The following RHOG variants were observed in gnomAD, a reference collection of about 807,000 sequenced individuals.
RHOG encodes the protein ras homolog family member G.
A neutral mutation model predicts 12.3 loss-of-function variants in RHOG; 1 was observed. The ratio of observed to expected loss-of-function variants is 0.08; its 90% confidence interval spans 0.03 to 0.39. The LOEUF is 0.39. Ranked by LOEUF, RHOG falls within the 10% of genes least tolerant of loss-of-function variation. The pLI, the probability that RHOG is intolerant of heterozygous loss-of-function variation, is 0.99. For synonymous variants in RHOG, 129 were observed against 116.0 expected, an observed-to-expected ratio of 1.11 and a Z score of -0.72; for missense variants, 114 against 266.2, an observed-to-expected ratio of 0.43 and a Z score of 3.98.
At chr11:3,831,499 G>C (rs1049548452) in intron 1 of RHOG, among the ~76,000 whole-genome samples, 4 of 152,196 alleles carry the variant, frequency 2.6e-5, no homozygotes, top group Non-Finnish European at 2.9e-5. Flanking sequence ...GGTCAGGGAA[G>C]GGCATAAGGA....
chr11:3,831,413 A>AGTGT (rs57646737), intron 1 of RHOG, among the ~76,000 whole-genome samples: 7,546 of 151,572 alleles, frequency 0.05, 537 homozygotes, highest in African/African-American at 0.16. Context: ...AATGAGAGAG[A>AGTGT]GTGTGTGTGT....
chr11:3,836,449 TGCA>T (rs2090156991), intron 1 of RHOG, among the ~76,000 whole-genome samples: 1 of 151,824 alleles, frequency 6.6e-6, no homozygotes, highest in South Asian at 2.1e-4. Flanking sequence ...GATCCTACAT[TGCA>T]GCAGCAGGTA....
intron 1 of RHOG, among the ~76,000 whole-genome samples, chr11:3,828,903 A>C (rs1015575562): frequency 6.6e-6 from 1 of 151,496 alleles, no homozygotes; most frequent in South Asian, 2.1e-4. Flanking sequence ...TACAGGCGTG[A>C]GCCACTGCGC....
intron 1 of RHOG, among the ~76,000 whole-genome samples, chr11:3,840,039 G>A (rs1316277864): frequency 1.3e-5 from 2 of 152,158 alleles, no homozygotes; most frequent in East Asian, 1.9e-4. Context: ...GGAGGGAGAC[G>A]ACAGGAGCAT....
chr11:3,828,117 C>T lies in RHOG; in HGVS notation c.22G>A (p.Val8Met), dbSNP rs1178508794. The T allele has an allele frequency of 6.2e-7, 1 of 1,613,592 alleles. No homozygotes were observed. The highest frequency in any genetic ancestry group is 1.3e-5 in the African/African-American group (1 of 74,946). Residue 8 changes from valine (V) to methionine (M), a missense_variant, in exon 2 of 2, where the codon GTG becomes ATG. By Grantham distance (21) the Val-to-Met change is conservative. This residue lies in a region of RHOG where 53 missense variants were observed against 164.8 expected (regional missense o/e 0.32). Coordinates refer to ENST00000351018, the MANE Select transcript of RHOG (RefSeq NM_001665.4). Reference protein sequence around the residue: MQSIKCVVVGDGAVGKTC... With the variant: MQSIKCVMVGDGAVGKTC... ...TTGCCCACAGCCCCATCACCCACCACCACGCACTTGATGCTCTGCATCGTG... is the reference window on the plus strand; with the variant it reads ...TTGCCCACAGCCCCATCACCCACCATCACGCACTTGATGCTCTGCATCGTG...
At chr11:3,828,675 G>C (rs1031901609) in intron 1 of RHOG, among the ~76,000 whole-genome samples, 4 of 145,078 alleles carry the variant, frequency 2.8e-5, no homozygotes, top group Admixed American at 2.1e-4. Flanking sequence ...CCAGGCTGGA[G>C]TGCAGTGGCG....
Position 3,827,378 on chromosome 11 carries a change from G to A in RHOG, c.*185C>T. 1 of 603,306 alleles carries A rather than the reference G, an allele frequency of 1.7e-6. No homozygotes were observed. The highest frequency in any genetic ancestry group is 2.0e-5 in the South Asian group (1 of 49,556). 37.4% of individuals were successfully genotyped at this position (603,306 alleles called of 1,614,324 possible). A position where few individuals can be genotyped will look rare whatever the true frequency, so the allele number is the denominator to read the frequency against. ...GTGTTCCCAAGCAGAGGGGGGCAGA[G>A]CCCAAAGCCCCTTTCTCTGCAGGCC... On this transcript the variant is annotated 3_prime_UTR_variant, in exon 2 of 2. Coordinates refer to ENST00000351018, the MANE Select transcript of RHOG (RefSeq NM_001665.4). This position sits in a 1 kb window ranked among gnomAD's most constrained non-coding sequence, Gnocchi z 7.3.
At chr11:3,829,604 T>C (rs1211986470) in intron 1 of RHOG, among the ~76,000 whole-genome samples, 2 of 151,948 alleles carry the variant, frequency 1.3e-5, no homozygotes, top group Non-Finnish European at 2.9e-5. Flanking sequence ...TACACTCAGA[T>C]TGCCAATTCA....
Position 3,827,613 on chromosome 11 carries a change from C to T in RHOG, c.526G>A (p.Val176Met). ...CGCTTGATCGGCGTGGGGTTGAGCA[C>T]AGCCCGGACAGCCTCGGCGAACACT... ...KEVFAEAVRAVLNPTPIKRGR... is the reference protein window; with the variant it reads ...KEVFAEAVRAMLNPTPIKRGR... The change falls in exon 2 of 2, where the codon GTG becomes ATG. Residue 176 changes from valine to methionine, a missense_variant. Val to Met is a conservative substitution (Grantham distance 21). Coordinates refer to ENST00000351018, the MANE Select transcript of RHOG (RefSeq NM_001665.4). The surrounding 1 kb of genome is among the most constrained non-coding windows in gnomAD (Gnocchi z 7.3). 1 of 1,612,324 alleles carries T rather than the reference C, an allele frequency of 6.2e-7. No individual in the cohort carries two copies.
intron 1 of RHOG, among the ~76,000 whole-genome samples, chr11:3,836,498 C>T (rs1009467192): frequency 7.2e-5 from 11 of 152,090 alleles, no homozygotes; most frequent in African/African-American, 1.9e-4. Context: ...CACTAGGAAA[C>T]GAGACAGTGG....
intron 1 of RHOG, among the ~76,000 whole-genome samples, chr11:3,837,448 G>A (rs2090164376): frequency 6.6e-6 from 1 of 152,110 alleles, no homozygotes; most frequent in Non-Finnish European, 1.5e-5. Context: ...CAGACTACTC[G>A]GACCTGTCAA....
At chr11:3,828,314 C>T (rs1425817495) in intron 1 of RHOG, 108 bp from the exon 2 acceptor site, 1 of 614,916 alleles carries the variant, frequency 1.6e-6, no homozygotes, top group Non-Finnish European at 2.8e-6. Flanking sequence ...CTTAACCTGA[C>T]ACTATCCCAA....
chr11:3,834,584 C>T (rs1239373122), intron 1 of RHOG, among the ~76,000 whole-genome samples: 2 of 152,260 alleles, frequency 1.3e-5, no homozygotes, highest in Non-Finnish European at 2.9e-5. Flanking sequence ...CCAGGCTGAC[C>T]TGGCTCCGGC....
At chr11:3,832,905 A>T in intron 1 of RHOG, among the ~76,000 whole-genome samples, 1 of 152,258 alleles carries the variant, frequency 6.6e-6, no homozygotes. Context: ...AGAATCATTA[A>T]GCCCAGCTCA....
intron 1 of RHOG, among the ~76,000 whole-genome samples, chr11:3,839,998 C>A (rs561596709): frequency 9.2e-5 from 14 of 151,984 alleles, no homozygotes; most frequent in Admixed American, 3.3e-4. Context: ...AGAGTGATGG[C>A]GGATTTGTGG....
At chr11:3,835,571 C>A (rs2090151395) in intron 1 of RHOG, among the ~76,000 whole-genome samples, 1 of 152,136 alleles carries the variant, frequency 6.6e-6, no homozygotes, top group African/African-American at 2.4e-5. Context: ...CCTCTAGGAC[C>A]AGAAGACACA....
chr11:3,829,370 C>T (rs1268221233), intron 1 of RHOG, among the ~76,000 whole-genome samples: 1 of 151,476 alleles, frequency 6.6e-6, no homozygotes, highest in Non-Finnish European at 1.5e-5. Flanking sequence ...CCTGCCTCAG[C>T]CTCCCGAGTG....
intron 1 of RHOG, among the ~76,000 whole-genome samples, chr11:3,839,875 A>T (rs2090180364): frequency 6.6e-6 from 1 of 152,020 alleles, no homozygotes; most frequent in Admixed American, 6.6e-5. Context: ...AAGGGAAGGG[A>T]TGGGGCAGGT....
At chr11:3,834,254 T>C (rs1284752530) in intron 1 of RHOG, among the ~76,000 whole-genome samples, 1 of 152,196 alleles carries the variant, frequency 6.6e-6, no homozygotes, top group East Asian at 1.9e-4. Context: ...TGGCTCTGTG[T>C]GATTCTCCTT....
Sources: gnomAD v4.1 joint callset for allele counts (sites outside exome capture counted in the v4.1 genomes callset) on GRCh38, gnomAD v4.1.1 for gene constraint, gnomAD v4.1.1 regional missense constraint, Gnocchi (gnomAD v3.1) non-coding constraint, MANE v1.5 for transcripts, NCBI Gene and HGNC (gene_info 2026-07-23, HGNC 2026-07-21) for gene names.